Variants in PCDH15 observed in about 807,000 individuals in gnomAD.
PCDH15 encodes protocadherin-15.
PCDH15 carries 129 observed loss-of-function variants against 178.5 expected under a neutral mutation model. That is an observed-to-expected ratio of 0.72 (90% CI 0.63 to 0.84). The LOEUF is 0.84. Ranked by LOEUF, PCDH15 falls within the 40% of genes least tolerant of loss-of-function variation. The pLI is 0.00. For synonymous variants in PCDH15, 800 were observed against 732.0 expected (o/e 1.09, Z -1.50); for missense variants, 2,230 against 2,099.9 (o/e 1.06, Z -1.21).
chr10:55,424,917 A>G (rs557886264), intron 2 of PCDH15, among the ~76,000 whole-genome samples: 1 of 152,148 alleles, frequency 6.6e-6, no homozygotes, highest in African/African-American at 2.4e-5. Flanking sequence ...ATTAAAAAAT[A>G]TAATTATTTA....
intron 19 of PCDH15, among the ~76,000 whole-genome samples, chr10:54,022,463 C>CATAT (rs34403094): frequency 5.4e-4 from 81 of 151,100 alleles, no homozygotes; most frequent in African/African-American, 1.3e-3. Flanking sequence ...CACACAAATT[C>CATAT]ATATATATAT....
At chr10:54,221,572 G>T (rs2052813611) in intron 9 of PCDH15, among the ~76,000 whole-genome samples, 1 of 151,466 alleles carries the variant, frequency 6.6e-6, no homozygotes. Flanking sequence ...AGCATAATAG[G>T]AATGGGATCA....
At chr10:54,294,521 T>C (rs2059623657) in intron 8 of PCDH15, among the ~76,000 whole-genome samples, 1 of 152,214 alleles carries the variant, frequency 6.6e-6, no homozygotes, top group Admixed American at 6.5e-5. Context: ...TACTAATTTA[T>C]TAAGCAGAAC....
intron 2 of PCDH15, among the ~76,000 whole-genome samples, chr10:54,961,956 A>T (rs1838667728): frequency 6.6e-6 from 1 of 152,128 alleles, no homozygotes; most frequent in Non-Finnish European, 1.5e-5. Context: ...ACTCATTGGG[A>T]TGATATGCCT....
chr10:54,116,139 T>C (rs1342645920), intron 15 of PCDH15, among the ~76,000 whole-genome samples: 3 of 151,832 alleles, frequency 2.0e-5, no homozygotes, highest in Non-Finnish European at 4.4e-5. Flanking sequence ...ACTAATTAAA[T>C]TTTTAAATAA....
chr10:54,335,802 T>C (rs945087583), intron 6 of PCDH15, among the ~76,000 whole-genome samples: 3 of 152,170 alleles, frequency 2.0e-5, no homozygotes, highest in Non-Finnish European at 4.4e-5. Flanking sequence ...AGTGGGGTCC[T>C]GCTGTAAAGA....
At chr10:54,487,522 A>C (rs1402893815) in intron 3 of PCDH15, among the ~76,000 whole-genome samples, 1 of 151,980 alleles carries the variant, frequency 6.6e-6, no homozygotes, top group Non-Finnish European at 1.5e-5. Context: ...TAAAATTACA[A>C]CTTTTCCCTT....
chr10:53,960,807 T>G (rs2134288072), intron 22 of PCDH15, among the ~76,000 whole-genome samples: 2 of 152,312 alleles, frequency 1.3e-5, no homozygotes, highest in East Asian at 1.9e-4. Flanking sequence ...TCACTGATCC[T>G]TACGTGGTTA....
chr10:55,342,212 C>A (rs776181995), intron 2 of PCDH15, among the ~76,000 whole-genome samples: 1 of 150,776 alleles, frequency 6.6e-6, no homozygotes, highest in Non-Finnish European at 1.5e-5. Flanking sequence ...AAGATTATAC[C>A]CATTTTTTCA....
chr10:54,235,823 T>A (rs1199686165), intron 9 of PCDH15, among the ~76,000 whole-genome samples: 3 of 152,196 alleles, frequency 2.0e-5, no homozygotes, highest in Admixed American at 6.5e-5. Context: ...TACACCAAGA[T>A]CTCTATAGAC....
At chr10:55,385,386 T>C (rs939308206) in intron 2 of PCDH15, among the ~76,000 whole-genome samples, 3 of 152,036 alleles carry the variant, frequency 2.0e-5, no homozygotes. Flanking sequence ...TGAAAGAAAG[T>C]GAAGAAGCTT....
At chr10:55,536,251 T>G (rs1401085005) in intron 2 of PCDH15, among the ~76,000 whole-genome samples, 1 of 152,136 alleles carries the variant, frequency 6.6e-6, no homozygotes, top group African/African-American at 2.4e-5. Context: ...TGTTTATTCC[T>G]GTAACATATA....
intron 2 of PCDH15, among the ~76,000 whole-genome samples, chr10:54,915,408 A>C (rs144936690): frequency 1.5e-4 from 23 of 152,336 alleles, no homozygotes; most frequent in African/African-American, 5.5e-4. Flanking sequence ...AGTCCATGAG[A>C]TAGAAGAGGG....
At chr10:54,297,944 T>C (rs377427546) in intron 8 of PCDH15, among the ~76,000 whole-genome samples, 25 of 152,258 alleles carry the variant, frequency 1.6e-4, no homozygotes, top group African/African-American at 5.5e-4. Context: ...AAGTAAATGA[T>C]AGAATGACAG....
intron 1 of PCDH15, among the ~76,000 whole-genome samples, chr10:54,751,059 G>A (rs1490486928): frequency 2.6e-5 from 4 of 152,024 alleles, no homozygotes; most frequent in African/African-American, 9.7e-5. Context: ...AACATTTAGC[G>A]AGCATATGGT....
chr10:55,379,878 T>C (rs1837490742), intron 2 of PCDH15, among the ~76,000 whole-genome samples: 1 of 152,050 alleles, frequency 6.6e-6, no homozygotes, highest in African/African-American at 2.4e-5. Flanking sequence ...TAAAAATCTG[T>C]TTCTACCAGA....
At position 54,097,921 on chromosome 10, in the gene PCDH15, G is replaced by A. The variant is rs762072675; in HGVS notation, c.1918-7858C>T. On this transcript the variant is annotated intron_variant, in intron 15 of 37. Coordinates refer to ENST00000644397, the MANE Select transcript of PCDH15 (RefSeq NM_001384140.1). The stretch of plus-strand genomic sequence containing the variant: ...AGACTGCAAGGATAAACTAAGTCCA[G>A]GAAACTCAGTCAGAGCTCTGTTCTG... 1.8e-4 allele frequency among the ~76,000 whole-genome samples: 28 copies of A among 152,196 alleles called. No individual in the cohort carries two copies. In the Middle Eastern group the frequency reaches 0.02, roughly 111 times the overall value.
At chr10:55,135,273 G>A (rs1256201191) in intron 2 of PCDH15, among the ~76,000 whole-genome samples, 1 of 152,082 alleles carries the variant, frequency 6.6e-6, no homozygotes, top group Non-Finnish European at 1.5e-5. Context: ...TATTTCTGGT[G>A]TTTATCTGCT....
chr10:54,586,348 T>C (rs2091465450), intron 2 of PCDH15, among the ~76,000 whole-genome samples: 1 of 152,150 alleles, frequency 6.6e-6, no homozygotes, highest in Non-Finnish European at 1.5e-5. Flanking sequence ...ACAATGAGGA[T>C]ACAAAAGGTC....
Sources: gnomAD v4.1 joint callset for allele counts (sites outside exome capture counted in the v4.1 genomes callset) on GRCh38, gnomAD v4.1.1 for gene constraint, MANE v1.5 for transcripts, NCBI Gene and HGNC (gene_info 2026-07-23, HGNC 2026-07-21) for gene names.